PCDHB12: variants seen among roughly 807,000 people sequenced by gnomAD.
PCDHB12 encodes the protein protocadherin beta-12.
For missense variants in PCDHB12, 1,192 were observed against 998.2 expected (o/e 1.19, Z -2.62); for synonymous variants, 560 against 445.2 (o/e 1.26, Z -3.24).
Position 141,209,595 on chromosome 5 carries a change from G to T in PCDHB12, c.688G>T (p.Val230Leu), listed in dbSNP as rs1554286693. Reference protein sequence around the residue: ...PPRSGTALVRVVVVDINDNSP... With the variant: ...PPRSGTALVRLVVVDINDNSP... Reference sequence around the variant, plus strand: ...CAGGTCTGGAACTGCCTTGGTCAGGGTGGTGGTTGTAGATATTAATGACAA... The same window carrying T: ...CAGGTCTGGAACTGCCTTGGTCAGGTTGGTGGTTGTAGATATTAATGACAA... Residue 230 changes from valine (V) to leucine (L), a missense_variant, in exon 1 of 1, where the codon GTG becomes TTG. Coordinates refer to ENST00000239450, the MANE Select transcript of PCDHB12 (RefSeq NM_018932.4). The T allele has an allele frequency of 6.2e-7, 1 of 1,614,158 alleles. No individual in the cohort carries two copies. The highest frequency in any genetic ancestry group is 1.1e-5 in the South Asian group (1 of 91,076).
At position 141,211,048 on chromosome 5, in the gene PCDHB12, G is replaced by T. The variant is rs1465178018; in HGVS notation, c.2141G>T (p.Cys714Phe). The stretch of plus-strand genomic sequence containing the variant: ...CTCCTGTTCGTGGCGGTGCGGCTGT[G>T]CAGGAGGAGCAGGGCGGCCCCGGTC... ...SVLLFVAVRLCRRSRAAPVGR... is the reference protein window; with the variant it reads ...SVLLFVAVRLFRRSRAAPVGR... The change falls in exon 1 of 1, where the codon TGC (cysteine) becomes TTC (phenylalanine). Residue 714 changes from cysteine (C) to phenylalanine (F), a missense_variant. Coordinates refer to ENST00000239450, the MANE Select transcript of PCDHB12 (RefSeq NM_018932.4). 1 of 1,612,778 alleles carries T rather than the reference G, an allele frequency of 6.2e-7. No homozygotes were observed. Among genetic ancestry groups the T allele is most frequent in the Non-Finnish European group, 8.5e-7 (1 of 1,180,018 alleles).
At position 141,209,101 on chromosome 5, in the gene PCDHB12, G is replaced by C. The variant is rs1163263707; in HGVS notation, c.194G>C (p.Arg65Pro). 3.7e-6 allele frequency: 6 copies of C among 1,613,846 alleles called. No individual in the cohort carries two copies. Among genetic ancestry groups the C allele is most frequent in the Admixed American group, 1.7e-5 (1 of 60,006 alleles). ...AGTGAGCTGTCTTCGCGGGGGGCTC[G>C]GGTGGTTTCTAATGATAACAAAGAG... ...EVSELSSRGA[R>P]VVSNDNKECL... is the part of the protein sequence containing the mutation. Residue 65 changes from arginine to proline, a missense_variant, in exon 1 of 1, where the codon CGG becomes CCG. Transcript: ENST00000239450.
In PCDHB12 at chr5:141,209,559, G is replaced by A. The variant is rs782228863; in HGVS notation, c.652G>A (p.Gly218Arg). 6.2e-7 allele frequency: 1 copy of A among 1,614,156 alleles called. No homozygotes were observed. Among genetic ancestry groups the A allele is most frequent in the Non-Finnish European group, 8.5e-7 (1 of 1,180,038 alleles). The stretch of plus-strand genomic sequence containing the variant: ...TTTCATCCTCACTGCTCTGGATGGC[G>A]GGTCCCCTCCCAGGTCTGGAACTGC... ...LSFILTALDG[G>R]SPPRSGTALV... The change falls in exon 1 of 1, where the codon GGG (glycine) becomes AGG (arginine). Residue 218 changes from glycine to arginine, a missense_variant. Coordinates refer to ENST00000239450, the MANE Select transcript of PCDHB12 (RefSeq NM_018932.4).
Position 141,209,667 on chromosome 5 carries a change from A to G in PCDHB12, c.760A>G (p.Asn254Asp). Residue 254 changes from asparagine to aspartate, a missense_variant, in exon 1 of 1, where the codon AAT becomes GAT. Coordinates refer to ENST00000239450, the MANE Select transcript of PCDHB12 (RefSeq NM_018932.4). ...TTTTTATGAGGTGAAGATTCTGGAG[A>G]ATAGCATCCTTGGCTCCCTGGTTGT... ...QAFYEVKILE[N>D]SILGSLVVTV... 3 of 1,614,200 alleles carry G rather than the reference A, an allele frequency of 1.9e-6. No homozygotes were observed. Among genetic ancestry groups the G allele is most frequent in the Non-Finnish European group, 2.5e-6 (3 of 1,180,042 alleles).
Position 141,210,250 on chromosome 5 carries a change from C to T in PCDHB12, c.1343C>T (p.Ala448Val), listed in dbSNP as rs1432721338. ...CTGGTCTCCGACGTCAATGACAACG[C>T]CCCCGCCTTCACCCAAACTTCCTAC... ...TVLVSDVNDN[A>V]PAFTQTSYAL... The change falls in exon 1 of 1, where the codon GCC becomes GTC. Residue 448 changes from alanine to valine, a missense_variant. By Grantham distance (64) the Ala-to-Val change is moderately conservative. Coordinates refer to ENST00000239450, the MANE Select transcript of PCDHB12 (RefSeq NM_018932.4). 6.2e-6 allele frequency: 10 copies of T among 1,614,048 alleles called. No homozygotes were observed. Among genetic ancestry groups the T allele is most frequent in the African/African-American group, 1.3e-5 (1 of 74,932 alleles).
Position 141,208,800 on chromosome 5 carries a change from T to A in PCDHB12, c.-108T>A. On this transcript the variant is annotated 5_prime_UTR_variant, in exon 1 of 1. Coordinates refer to ENST00000239450, the MANE Select transcript of PCDHB12 (RefSeq NM_018932.4). ...AAGCCATTCAACAAGGTTAAAATCT[T>A]CAGGCTTCCGAGGATTTGGTAGACA... 1 of 988,114 alleles carries A rather than the reference T, an allele frequency of 1.0e-6. No homozygotes were observed. Among genetic ancestry groups the A allele is most frequent in the Non-Finnish European group, 1.5e-6 (1 of 675,462 alleles). The allele number at this position is 988,114 out of a possible 1,614,324, so 61.2% of individuals were successfully genotyped here. A position where few individuals can be genotyped will look rare whatever the true frequency, so the allele number is the denominator to read the frequency against.
chr5:141,210,778 T>G lies in PCDHB12; in HGVS notation c.1871T>G (p.Val624Gly), dbSNP rs374926129. The change falls in exon 1 of 1, where the codon GTG (valine) becomes GGG (glycine). Residue 624 changes from valine to glycine, a missense_variant. Physicochemically the swap from Val to Gly is moderately radical, Grantham distance 109. Coordinates refer to ENST00000239450, the MANE Select transcript of PCDHB12 (RefSeq NM_018932.4). ...LFGVWAHNGE[V>G]RTARLLSERD... ...GGCGTGTGGGCGCACAATGGCGAGG[T>G]GCGCACCGCCAGGCTGCTGAGCGAG... 6.6e-4 allele frequency: 1,056 copies of G among 1,600,796 alleles called. 7 individuals carry two copies. The African/African-American group carries it at 0.012, about 19-fold the overall frequency.
At position 141,210,544 on chromosome 5, in the gene PCDHB12, T is replaced by G. The variant is rs1554286973; in HGVS notation, c.1637T>G (p.Leu546Arg). The G allele has an allele frequency of 6.2e-7, 1 of 1,611,754 alleles. No individual in the cohort carries two copies. The highest frequency in any genetic ancestry group is 2.2e-5 in the East Asian group (1 of 44,870). The change falls in exon 1 of 1, where the codon CTG becomes CGG. Residue 546 changes from leucine (L) to arginine (R), a missense_variant. Physicochemically the swap from Leu to Arg is moderately radical, Grantham distance 102. Transcript: ENST00000239450. ...HGSPALSSEA[L>R]VRVLVLDAND... ...TCCCCGGCTTTGAGCAGCGAGGCGC[T>G]GGTGCGCGTGCTGGTGCTGGACGCC...
At position 141,211,092 on chromosome 5, in the gene PCDHB12, G is replaced by C; in HGVS notation, c.2185G>C (p.Glu729Gln). 1 of 1,614,010 alleles carries C rather than the reference G, an allele frequency of 6.2e-7. No homozygotes were observed. Among genetic ancestry groups the C allele is most frequent in the Non-Finnish European group, 8.5e-7 (1 of 1,180,026 alleles). ...AAPVGRCSVP[E>Q]GPFPGHLVDV... ...CCCGGTCGGTCGCTGCTCGGTGCCT[G>C]AGGGCCCCTTTCCAGGACATCTGGT... The change falls in exon 1 of 1, where the codon GAG (glutamate) becomes CAG (glutamine). Residue 729 changes from glutamate (E) to glutamine (Q), a missense_variant. Glu to Gln is a conservative substitution (Grantham distance 29). Transcript: ENST00000239450.
Position 141,209,997 on chromosome 5 carries a change from G to C in PCDHB12, c.1090G>C (p.Val364Leu). The change falls in exon 1 of 1, where the codon GTG becomes CTG. Residue 364 changes from valine (V) to leucine (L), a missense_variant. Physicochemically the swap from Val to Leu is conservative, Grantham distance 32. Coordinates refer to ENST00000239450, the MANE Select transcript of PCDHB12 (RefSeq NM_018932.4). ...SPIPENTPETVVMVFRIRDRD... is the reference protein window; with the variant it reads ...SPIPENTPETLVMVFRIRDRD... ...AATCCCAGAAAACACTCCAGAGACT[G>C]TGGTTATGGTTTTCAGGATACGAGA... The C allele has an allele frequency of 6.2e-7, 1 of 1,614,200 alleles. No homozygotes were observed. Among genetic ancestry groups the C allele is most frequent in the Middle Eastern group, 1.6e-4 (1 of 6,062 alleles).
rs1203197860 is a variant in PCDHB12 at position 141,212,083 on chromosome 5, TG to T, written c.*789del. 1.6e-4 allele frequency: 26 copies of T among 167,080 alleles called. No homozygotes were observed. The highest frequency in any genetic ancestry group is 6.3e-4 in the African/African-American group (26 of 41,474). The allele number at this position is 167,080 out of a possible 1,614,324, so 10.3% of individuals were successfully genotyped here. A position where few individuals can be genotyped will look rare whatever the true frequency, so the allele number is the denominator to read the frequency against. On this transcript the variant is annotated 3_prime_UTR_variant, in exon 1 of 1. Transcript: ENST00000239450. ...TTTTCAGCTATTATTACTAATGCTCTGATCTGCCCAAATCTTAAGTAAAAAA... is the reference window on the plus strand; with the variant it reads ...TTTTCAGCTATTATTACTAATGCTCTATCTGCCCAAATCTTAAGTAAAAAA...
rs782390989 is a variant in PCDHB12 at position 141,209,958 on chromosome 5, T to A, written c.1051T>A (p.Ser351Thr). ...CAACGCTCCTGAAATCACTGTGTCA[T>A]CAATTACCAGTCCAATCCCAGAAAA... is the stretch of plus-strand genomic sequence containing the variant. ...NDNAPEITVS[S>T]ITSPIPENTP... The change falls in exon 1 of 1, where the codon TCA becomes ACA. Residue 351 changes from serine to threonine, a missense_variant. Ser to Thr is a moderately conservative substitution (Grantham distance 58, BLOSUM62 1). Transcript: ENST00000239450. 2 of 1,614,154 alleles carry A rather than the reference T, an allele frequency of 1.2e-6. No homozygotes were observed. The highest frequency in any genetic ancestry group is 1.3e-5 in the African/African-American group (1 of 75,026).
rs1754465454 is a variant in PCDHB12, at chr5:141,211,659, T to C, written c.*364T>C. ...CCTACCCTAGTTTCAGAAGCATAGA[T>C]TGTAGTGTACCTTTTTAAACTTTAT... On this transcript the variant is annotated 3_prime_UTR_variant, in exon 1 of 1. Coordinates refer to ENST00000239450, the MANE Select transcript of PCDHB12 (RefSeq NM_018932.4). 6 of 276,742 alleles carry C rather than the reference T, an allele frequency of 2.2e-5. No individual in the cohort carries two copies. Among genetic ancestry groups the C allele is most frequent in the Non-Finnish European group, 3.7e-5 (5 of 134,704 alleles). The allele number at this position is 276,742 out of a possible 1,614,324, so 17.1% of individuals were successfully genotyped here.
chr5:141,210,143 G>C lies in PCDHB12; in HGVS notation c.1236G>C (p.Glu412Asp). The change falls in exon 1 of 1, where the codon GAG becomes GAC. Residue 412 changes from glutamate to aspartate, a missense_variant. By Grantham distance (45) the Glu-to-Asp change is conservative. Coordinates refer to ENST00000239450, the MANE Select transcript of PCDHB12 (RefSeq NM_018932.4). ...AAACAGAGAGACCGCTGGACAGAGA[G>C]AGCAGAGCCGAGTACAACATCACCA... Reference protein sequence around the residue: ...TLETERPLDRESRAEYNITIT... With the variant: ...TLETERPLDRDSRAEYNITIT... 1.9e-6 allele frequency: 3 copies of C among 1,614,208 alleles called. No individual in the cohort carries two copies. The highest frequency in any genetic ancestry group is 2.5e-6 in the Non-Finnish European group (3 of 1,180,032).
chr5:141,210,501 G>A lies in PCDHB12; in HGVS notation c.1594G>A (p.Gly532Ser). Reference sequence around the variant, plus strand: ...CCTGCAGGGGTTCCAGTTCCGCGTGGGCGCCACAGACCACGGCTCCCCGGC... The same window carrying A: ...CCTGCAGGGGTTCCAGTTCCGCGTGAGCGCCACAGACCACGGCTCCCCGGC... ...EALQGFQFRV[G>S]ATDHGSPALS... The change falls in exon 1 of 1, where the codon GGC (glycine) becomes AGC (serine). Residue 532 changes from glycine to serine, a missense_variant. Physicochemically the swap from Gly to Ser is moderately conservative, Grantham distance 56 (BLOSUM62 0). Transcript: ENST00000239450. 6.2e-7 allele frequency: 1 copy of A among 1,612,400 alleles called. No individual in the cohort carries two copies. Among genetic ancestry groups the A allele is most frequent in the Non-Finnish European group, 8.5e-7 (1 of 1,179,818 alleles).
chr5:141,211,000 C>A lies in PCDHB12; in HGVS notation c.2093C>A (p.Ser698Ter), dbSNP rs142684910. The stretch of plus-strand genomic sequence containing the variant: ...CTGGTGGTGGCGTTGGCCTCAGTGT[C>A]GTCGCTCTTCCTCTTCTCGGTGCTC... ...VYLVVALASV[S>*]SLFLFSVLLF... is the part of the protein sequence containing the mutation. The change falls in exon 1 of 1, where the codon TCG becomes TAG. Residue 698 changes from serine (S) to a stop codon, truncating the protein, a stop_gained. Transcript: ENST00000239450. LOFTEE classifies it low-confidence loss of function (END_TRUNC). The A allele has an allele frequency of 4.3e-6, 7 of 1,611,470 alleles. No homozygotes were observed. The highest frequency in any genetic ancestry group is 1.7e-5 in the Admixed American group (1 of 59,998).
In PCDHB12 at chr5:141,211,090, C is replaced by A. The variant is rs782238557; in HGVS notation, c.2183C>A (p.Pro728His). Residue 728 changes from proline to histidine, a missense_variant, in exon 1 of 1, where the codon CCT (proline) becomes CAT (histidine). By Grantham distance (77) the Pro-to-His change is moderately conservative (BLOSUM62 -2). Coordinates refer to ENST00000239450, the MANE Select transcript of PCDHB12 (RefSeq NM_018932.4). ...RAAPVGRCSV[P>H]EGPFPGHLVD... ...GCCCCGGTCGGTCGCTGCTCGGTGC[C>A]TGAGGGCCCCTTTCCAGGACATCTG... The A allele has an allele frequency of 3.7e-6, 6 of 1,613,946 alleles. No homozygotes were observed. The East Asian group carries it at 1.3e-4, about 36-fold the overall frequency.
Position 141,211,265 on chromosome 5 carries a change from T to C in PCDHB12, c.2358T>C (p.Asn786=). The change falls in exon 1 of 1, where the codon AAT becomes AAC. Residue 786 remains asparagine, a synonymous_variant. Transcript: ENST00000239450. ...PQSTGSEVEE[N]PPFQNNLGF Reference sequence around the variant, plus strand: ...GCACAGGTAGTGAAGTCGAAGAAAATCCCCCATTTCAGAATAATTTGGGTT... The same window carrying C: ...GCACAGGTAGTGAAGTCGAAGAAAACCCCCCATTTCAGAATAATTTGGGTT... 6.3e-7 allele frequency: 1 copy of C among 1,596,468 alleles called. No individual in the cohort carries two copies. The highest frequency in any genetic ancestry group is 1.1e-5 in the South Asian group (1 of 87,990).
In PCDHB12 at chr5:141,211,191, A is replaced by T. The variant is rs1554287172; in HGVS notation, c.2284A>T (p.Asn762Tyr). The change falls in exon 1 of 1, where the codon AAT becomes TAT. Residue 762 changes from asparagine to tyrosine, a missense_variant. Coordinates refer to ENST00000239450, the MANE Select transcript of PCDHB12 (RefSeq NM_018932.4). ...EVCVTGGSRS[N>Y]KFKFLKPIIP... ...GTGTGTGACTGGAGGCTCCAGGTCA[A>T]ATAAGTTCAAATTTCTGAAACCAAT... The T allele has an allele frequency of 1.1e-5, 18 of 1,614,122 alleles. No homozygotes were observed. Among genetic ancestry groups the T allele is most frequent in the Non-Finnish European group, 1.5e-5 (18 of 1,180,000 alleles).
Sources: gnomAD v4.1 joint callset for allele counts on GRCh38, gnomAD v4.1.1 for gene constraint, MANE v1.5 for transcripts, NCBI Gene and HGNC (gene_info 2026-07-23, HGNC 2026-07-21) for gene names.